The following RINT1 variants were observed in gnomAD, a reference collection of about 807,000 sequenced individuals.
RINT1 encodes the protein RAD50-interacting protein 1.
Under a neutral mutation model 97.7 loss-of-function variants are expected in RINT1, and 75 were observed. The ratio of observed to expected loss-of-function variants is 0.77; its 90% CI spans 0.64 to 0.93. The LOEUF is 0.93. RINT1 is among the 40% of genes least tolerant of loss of function. The pLI, the probability that RINT1 is intolerant of heterozygous loss-of-function variation, is 0.00. For synonymous variants in RINT1, 303 were observed against 326.3 expected (o/e 0.93, Z 0.77); for missense variants, 892 against 925.2 (o/e 0.96, Z 0.47).
rs892436795 is a variant in RINT1, at chr7:105,532,223, C to G, written c.-93C>G. The G allele has an allele frequency of 7.0e-7, 1 of 1,418,700 alleles. No homozygotes were observed. The allele number at this position is 1,418,700 out of a possible 1,614,324, so 87.9% of individuals were successfully genotyped here. A position where few individuals can be genotyped will look rare whatever the true frequency, so the allele number is the denominator to read the frequency against. ...GCTGTGGCACTCAGTCCTACGGCCT[C>G]CGAGGCTGGGTAGTGAGTGTGTCGC... On this transcript the variant is annotated 5_prime_UTR_variant, in exon 1 of 15. Coordinates refer to ENST00000257700, the MANE Select transcript of RINT1 (RefSeq NM_021930.6).
chr7:105,564,951 G>A (rs1013226005), intron 12 of RINT1, among the ~76,000 whole-genome samples: 6 of 152,002 alleles, frequency 3.9e-5, no homozygotes, highest in Admixed American at 1.3e-4. Flanking sequence ...CCAACAGAGC[G>A]AGACTCTGTC....
In RINT1 at chr7:105,536,565, G is replaced by T. The variant is rs751659106; in HGVS notation, c.89G>T (p.Ser30Ile). The T allele has an allele frequency of 1.3e-6, 2 of 1,574,322 alleles. No individual in the cohort carries two copies. Among genetic ancestry groups the T allele is most frequent in the South Asian group, 1.2e-5 (1 of 85,320 alleles). Residue 30 changes from serine to isoleucine, a missense_variant and splice_region_variant, in exon 3 of 15, where the codon AGT (serine) becomes ATT (isoleucine). By Grantham distance (142) the Ser-to-Ile change is moderately radical (BLOSUM62 -2). Coordinates refer to ENST00000257700, the MANE Select transcript of RINT1 (RefSeq NM_021930.6). ...AGTAATTGTTATTCTTTTGTTGTAG[G>T]TGACATAAATGTTACAGTTCTTATT... is the stretch of plus-strand genomic sequence containing the variant. ...GDERKNLEEK[S>I]DINVTVLIGS...
chr7:105,551,881 C>T (rs1790943180), intron 10 of RINT1, among the ~76,000 whole-genome samples, 174 bp downstream of exon 10: 1 of 152,028 alleles, frequency 6.6e-6, no homozygotes, highest in Non-Finnish European at 1.5e-5. Flanking sequence ...GCCTGGGGTA[C>T]ATGGTGAAAT....
intron 12 of RINT1, among the ~76,000 whole-genome samples, chr7:105,564,752 G>C (rs1474446423): frequency 6.6e-6 from 1 of 152,188 alleles, no homozygotes; most frequent in East Asian, 1.9e-4. Flanking sequence ...TGTAATCCCA[G>C]CACTTTGGGA....
At position 105,567,117 on chromosome 7, in the gene RINT1, A is replaced by G. The variant is rs757017331; in HGVS notation, c.2187-2A>G. The G allele has an allele frequency of 1.3e-6, 2 of 1,527,926 alleles. No individual in the cohort carries two copies. The highest frequency in any genetic ancestry group is 4.7e-5 in the East Asian group (2 of 42,972). 94.6% of individuals were successfully genotyped at this position (1,527,926 alleles called of 1,614,324 possible). A position where few individuals can be genotyped will look rare whatever the true frequency, so the allele number is the denominator to read the frequency against. Reference sequence around the variant, plus strand: ...TTTCCCTCCTTTGTTTTCCCTAAACAGTATAAAAGAAGCCTGTATTGTTTT... The same window carrying G: ...TTTCCCTCCTTTGTTTTCCCTAAACGGTATAAAAGAAGCCTGTATTGTTTT... On this transcript the variant is annotated splice_acceptor_variant, in intron 14 of 14. Coordinates refer to ENST00000257700, the MANE Select transcript of RINT1 (RefSeq NM_021930.6). LOFTEE classifies it high-confidence loss of function.
chr7:105,542,082 AC>A (rs1290896259), intron 3 of RINT1, among the ~76,000 whole-genome samples: 1 of 152,090 alleles, frequency 6.6e-6, no homozygotes, highest in East Asian at 1.9e-4. Flanking sequence ...CAGTTCTGTT[AC>A]AAAAAATGTG....
At chr7:105,548,825 A>G (rs1790798994) in intron 7 of RINT1, 115 bp downstream of exon 7, 4 of 944,022 alleles carry the variant, frequency 4.2e-6, no homozygotes, top group Admixed American at 5.4e-5. Context: ...TTTTTTTTCT[A>G]AAGGGCTACA....
intron 11 of RINT1, among the ~76,000 whole-genome samples, chr7:105,560,283 C>G (rs1028664821): frequency 6.6e-6 from 1 of 152,150 alleles, no homozygotes; most frequent in Admixed American, 6.6e-5. Context: ...CATGGTATTA[C>G]CAAGTTATGT....
At chr7:105,544,782 G>C (rs536837115) in intron 4 of RINT1, among the ~76,000 whole-genome samples, 1 of 152,154 alleles carries the variant, frequency 6.6e-6, no homozygotes, top group African/African-American at 2.4e-5. Flanking sequence ...GAAATATGCC[G>C]AGGGATTTAT....
chr7:105,555,086 G>A lies in RINT1; in HGVS notation c.1530G>A (p.Lys510=), dbSNP rs777841156. The change falls in exon 11 of 15, where the codon AAG becomes AAA. Residue 510 remains lysine, a synonymous_variant. Transcript: ENST00000257700. ...SRKLQFLELQ[K]DLVDDFRIRL... is the part of the protein sequence containing the mutation. The stretch of plus-strand genomic sequence containing the variant: ...AGCTTCAGTTCCTGGAGTTACAGAA[G>A]GACTTAGTAGATGATTTTAGGATAC... 1.3e-5 allele frequency: 21 copies of A among 1,613,846 alleles called. No homozygotes were observed. The highest frequency in any genetic ancestry group is 8.3e-5 in the Admixed American group (5 of 59,992).
Position 105,567,435 on chromosome 7 carries a change from T to C in RINT1, c.*124T>C, listed in dbSNP as rs1413036338. On this transcript the variant is annotated 3_prime_UTR_variant, in exon 15 of 15. Transcript: ENST00000257700. ...GAAAACTTTATAGAATTACTTATTA[T>C]CTTGGATTTATGGTGTTATTAAAAT... The C allele has an allele frequency of 2.6e-6, 2 of 759,768 alleles. No homozygotes were observed. The highest frequency in any genetic ancestry group is 3.0e-5 in the South Asian group (2 of 67,074). 47.1% of individuals were successfully genotyped at this position (759,768 alleles called of 1,614,324 possible).
chr7:105,566,929 TAAAG>T lies in RINT1; in HGVS notation c.2187-186_2187-183del, dbSNP rs1586277486. The T allele has an allele frequency of 1.0e-5, 4 of 383,632 alleles. No individual in the cohort carries two copies. In the East Asian group the frequency reaches 1.2e-4, roughly 11 times the overall value. The allele number at this position is 383,632 out of a possible 1,614,324, so 23.8% of individuals were successfully genotyped here. A position where few individuals can be genotyped will look rare whatever the true frequency, so the allele number is the denominator to read the frequency against. On this transcript the variant is annotated intron_variant, in intron 14 of 14. Transcript: ENST00000257700. ...GGGATCGTATTACCTTATAGTAATC[TAAAG>T]AAATAGCAACTCTGCACCTGTGTAG...
chr7:105,548,600 C>T lies in RINT1; in HGVS notation c.886C>T (p.Leu296Phe), dbSNP rs762152449. The T allele has an allele frequency of 6.2e-7, 1 of 1,614,158 alleles. No individual in the cohort carries two copies. The highest frequency in any genetic ancestry group is 1.1e-5 in the South Asian group (1 of 91,082). ...AAAGCAACTCCCAGAAAAATACTCT[C>T]TTCCTGCCTCCCCTTCTGTCATCCT... ...EPKQLPEKYSLPASPSVILPI... is the reference protein window; with the variant it reads ...EPKQLPEKYSFPASPSVILPI... Residue 296 changes from leucine (L) to phenylalanine (F), a missense_variant, in exon 7 of 15, where the codon CTT becomes TTT. Leu to Phe is a conservative substitution (Grantham distance 22). Coordinates refer to ENST00000257700, the MANE Select transcript of RINT1 (RefSeq NM_021930.6).
In RINT1 at chr7:105,532,373, C is replaced by A; in HGVS notation, c.42+16C>A. 1.3e-6 allele frequency: 2 copies of A among 1,598,726 alleles called. No homozygotes were observed. Among genetic ancestry groups the A allele is most frequent in the Admixed American group, 1.7e-5 (1 of 58,334 alleles). ...TGCAGCCCCGGTGAGACGGCCCTGGCGTCCCTGGGAGGGGACATTGGTGGC... is the reference window on the plus strand; with the variant it reads ...TGCAGCCCCGGTGAGACGGCCCTGGAGTCCCTGGGAGGGGACATTGGTGGC... On this transcript the variant is annotated intron_variant, in intron 1 of 14. Transcript: ENST00000257700.
chr7:105,536,451 G>A, intron 2 of RINT1, 114 bp from the exon 3 acceptor site: 2 of 717,182 alleles, frequency 2.8e-6, no homozygotes, highest in Admixed American at 3.0e-5. Flanking sequence ...GAGCCACCGT[G>A]CCTGGCAAAA....
At chr7:105,537,275 C>T (rs1369799320) in intron 3 of RINT1, among the ~76,000 whole-genome samples, 2 of 140,252 alleles carry the variant, frequency 1.4e-5, no homozygotes, top group Non-Finnish European at 3.2e-5. Flanking sequence ...GGATTACAGG[C>T]ATGTGTCACC....
At chr7:105,556,231 TA>T (rs1347932639) in intron 11 of RINT1, among the ~76,000 whole-genome samples, 2 of 151,848 alleles carry the variant, frequency 1.3e-5, no homozygotes, top group Non-Finnish European at 2.9e-5. Flanking sequence ...CATGCCTGGC[TA>T]ATTTTTTTTT....
At chr7:105,549,264 G>T (rs1790820807) in intron 7 of RINT1, among the ~76,000 whole-genome samples, 1 of 152,102 alleles carries the variant, frequency 6.6e-6, no homozygotes, top group African/African-American at 2.4e-5. Flanking sequence ...TGGGATTACA[G>T]GAGTGAGCCA....
intron 1 of RINT1, among the ~76,000 whole-genome samples, 199 bp downstream of exon 1, chr7:105,532,556 A>G (rs1790076975): frequency 6.6e-6 from 1 of 152,110 alleles, no homozygotes; most frequent in African/African-American, 2.4e-5. Flanking sequence ...CCCTGGTGAG[A>G]TGACAGATTT....
Sources: allele counts gnomAD v4.1 joint callset (sites outside exome capture counted in the v4.1 genomes callset), GRCh38; gene constraint gnomAD v4.1.1; transcripts MANE v1.5; gene names NCBI Gene and HGNC (gene_info 2026-07-23, HGNC 2026-07-21).